The following PTN variants were observed in gnomAD, a reference collection of about 807,000 sequenced individuals.
The protein encoded by PTN is heparin affin regulatory protein.
A neutral mutation model predicts 24.1 loss-of-function variants in PTN; 18 were observed. The ratio of observed to expected loss-of-function variants is 0.75; its 90% CI spans 0.52 to 1.11. The LOEUF is 1.11. Among genes scored for constraint, PTN ranks in the 50% least tolerant of loss-of-function variants. PTN has a pLI of 0.00. For missense variants in PTN, 163 were observed against 198.8 expected, an observed-to-expected ratio of 0.82 and a Z score of 1.08; for synonymous variants, 78 against 68.6, an observed-to-expected ratio of 1.14 and a Z score of -0.67.
chr7:137,302,791 C>CAT (rs1338518924), intron 1 of PTN, among the ~76,000 whole-genome samples: 2 of 151,884 alleles, frequency 1.3e-5, no homozygotes, highest in Non-Finnish European at 2.9e-5. Flanking sequence ...GTAACTGGAA[C>CAT]ATATAGGATG....
chr7:137,229,434 T>C (rs558628252), intron 4 of PTN, among the ~76,000 whole-genome samples: 1 of 151,892 alleles, frequency 6.6e-6, no homozygotes, highest in South Asian at 2.1e-4. Context: ...TGATGCCAAC[T>C]AGAAATATTG....
At chr7:137,319,422 C>T (rs1182985530) in intron 1 of PTN, among the ~76,000 whole-genome samples, 4 of 152,236 alleles carry the variant, frequency 2.6e-5, no homozygotes, top group Admixed American at 1.3e-4. Flanking sequence ...ACCCACAACC[C>T]GAGAGTTCTT....
chr7:137,242,275 C>T lies in PTN; in HGVS notation c.451+8955G>A, dbSNP rs190801205. On this transcript the variant is annotated intron_variant, in intron 4 of 4. Transcript: ENST00000348225. Reference sequence around the variant, plus strand: ...TTGTCAAACACAAGAGAGGGCTAGGCGGCTTTCCAAAAAAGAGCAGCAAGA... The same window carrying T: ...TTGTCAAACACAAGAGAGGGCTAGGTGGCTTTCCAAAAAAGAGCAGCAAGA... Among the ~76,000 whole-genome samples the T allele has an allele frequency of 2.0e-4, 31 of 152,204 alleles. No individual in the cohort carries two copies. The East Asian group carries it at 5.8e-3, about 28-fold the overall frequency.
At chr7:137,263,048 AT>A (rs1191834726) in intron 1 of PTN, among the ~76,000 whole-genome samples, 2 of 152,034 alleles carry the variant, frequency 1.3e-5, no homozygotes, top group African/African-American at 4.8e-5. Flanking sequence ...TCTCACTCTT[AT>A]TTTTGCTACT....
chr7:137,258,837 G>A (rs967387285), intron 1 of PTN, among the ~76,000 whole-genome samples: 2 of 152,150 alleles, frequency 1.3e-5, no homozygotes, highest in Admixed American at 6.6e-5. Context: ...CCAACAGACT[G>A]AGTGCCAAAT....
chr7:137,261,851 C>G (rs1281443889), intron 1 of PTN, among the ~76,000 whole-genome samples: 2 of 152,164 alleles, frequency 1.3e-5, no homozygotes, highest in Non-Finnish European at 2.9e-5. Flanking sequence ...CTCTGTGTAC[C>G]TTTGCTTTCT....
intron 4 of PTN, among the ~76,000 whole-genome samples, chr7:137,241,601 G>T (rs147663784): frequency 4.6e-5 from 7 of 152,102 alleles, no homozygotes; most frequent in African/African-American, 1.4e-4. Context: ...CGATCCTATG[G>T]TATATTCACT....
At chr7:137,330,968 G>A (rs1222749033) in intron 1 of PTN, among the ~76,000 whole-genome samples, 1 of 152,186 alleles carries the variant, frequency 6.6e-6, no homozygotes, top group Admixed American at 6.6e-5. Flanking sequence ...AAGCCTCAAT[G>A]CTATCTAATA....
intron 1 of PTN, among the ~76,000 whole-genome samples, chr7:137,271,514 C>T (rs973959258): frequency 4.6e-5 from 7 of 152,196 alleles, no homozygotes; most frequent in South Asian, 2.1e-4. Context: ...AACAAGTATT[C>T]GAAGGAAATA....
At chr7:137,319,756 C>G (rs980664529) in intron 1 of PTN, among the ~76,000 whole-genome samples, 1 of 152,162 alleles carries the variant, frequency 6.6e-6, no homozygotes, top group African/African-American at 2.4e-5. Flanking sequence ...ATACTTTTGC[C>G]GGAATGGGCT....
rs189003099 is a variant in PTN at position 137,318,859 on chromosome 7, T to C, written c.-2+24580A>G. 16 of 152,310 alleles carry C rather than the reference T, an allele frequency of 1.1e-4. No individual in the cohort carries two copies. The East Asian group carries it at 3.1e-3, about 29-fold the overall frequency. The allele number at this position is 152,310 out of a possible 1,614,324, so 9.4% of individuals were successfully genotyped here. On this transcript the variant is annotated intron_variant, in intron 1 of 4. Coordinates refer to ENST00000348225, the MANE Select transcript of PTN (RefSeq NM_002825.7). ...TAGTAGTGCCTCAAGTGAGATAAGG[T>C]ATGTAAAAGCGGTAAGCATTGCCCT... is the stretch of plus-strand genomic sequence containing the variant.
chr7:137,280,580 G>A (rs59623955), intron 1 of PTN, among the ~76,000 whole-genome samples: 4,328 of 151,162 alleles, frequency 0.029, 193 homozygotes, highest in African/African-American at 0.099. Context: ...GGGGCTGTGC[G>A]TGGTGGCTCA....
intron 1 of PTN, among the ~76,000 whole-genome samples, chr7:137,328,883 A>G (rs562448491): frequency 2.6e-5 from 4 of 152,220 alleles, no homozygotes; most frequent in Non-Finnish European, 5.9e-5. Context: ...TAAGTGACAT[A>G]ATATGAAGAA....
intron 1 of PTN, among the ~76,000 whole-genome samples, chr7:137,330,507 C>T (rs1021485495): frequency 2.6e-5 from 4 of 152,152 alleles, no homozygotes; most frequent in African/African-American, 9.7e-5. Flanking sequence ...CTGAAGGAAC[C>T]CTGGTGTGCT....
intron 1 of PTN, among the ~76,000 whole-genome samples, chr7:137,284,486 A>T (rs1809523908): frequency 6.6e-6 from 1 of 152,150 alleles, no homozygotes; most frequent in South Asian, 2.1e-4. Flanking sequence ...CTACCATGGA[A>T]ATTTATCAAA....
chr7:137,298,323 T>C (rs971187378), intron 1 of PTN, among the ~76,000 whole-genome samples: 3 of 151,996 alleles, frequency 2.0e-5, no homozygotes, highest in Non-Finnish European at 4.4e-5. Context: ...CCTGAAACTG[T>C]CCAAAAGTTT....
chr7:137,313,114 T>A (rs1486697339), intron 1 of PTN, among the ~76,000 whole-genome samples: 1 of 151,964 alleles, frequency 6.6e-6, no homozygotes, highest in Non-Finnish European at 1.5e-5. Context: ...TGAGCCCTCC[T>A]GGCAGCCCTC....
chr7:137,236,391 C>A, intron 4 of PTN: 1 of 612,698 alleles, frequency 1.6e-6, no homozygotes, highest in South Asian at 1.9e-5. Flanking sequence ...CCCATACATA[C>A]ATGTATACCA....
chr7:137,339,480 C>T (rs1810500089), intron 1 of PTN, among the ~76,000 whole-genome samples: 1 of 148,186 alleles, frequency 6.7e-6, no homozygotes, highest in Admixed American at 6.9e-5. Context: ...AGCTGCGCCT[C>T]TACATTGATG....
Sources: gnomAD v4.1 joint callset for allele counts (sites outside exome capture counted in the v4.1 genomes callset) on GRCh38, gnomAD v4.1.1 for gene constraint, MANE v1.5 for transcripts, NCBI Gene and HGNC (gene_info 2026-07-23, HGNC 2026-07-21) for gene names.